RBFOX1: variants seen among roughly 807,000 people sequenced by gnomAD.
RBFOX1 encodes RNA binding fox-1 homolog 1, also known as RNA binding protein fox-1 homolog 1.
A neutral mutation model predicts 57.7 loss-of-function variants in RBFOX1; 8 were observed. The observed-to-expected ratio is 0.14, with a 90% CI of 0.08 to 0.25. The LOEUF (loss-of-function observed/expected upper bound fraction) is 0.25, where lower values mean the gene tolerates loss of function less well. Ranked by LOEUF, RBFOX1 falls within the 10% of genes least tolerant of loss-of-function variation. The probability of loss-of-function intolerance (pLI) is 1.00; values close to 1 mark genes in which losing one functional copy is unlikely to be tolerated. For synonymous variants in RBFOX1, 326 were observed against 222.4 expected (o/e 1.47, Z -4.15); for missense variants, 611 against 548.5 (o/e 1.11, Z -1.14).
intron 1 of RBFOX1, among the ~76,000 whole-genome samples, chr16:6,085,976 C>A (rs2096077324): frequency 6.6e-6 from 1 of 152,070 alleles, no homozygotes; most frequent in Non-Finnish European, 1.5e-5. Flanking sequence ...GCTCTCTCTT[C>A]CCCCAGCCCC....
At chr16:7,080,104 A>T (rs922500720) in intron 4 of RBFOX1, among the ~76,000 whole-genome samples, 5 of 146,674 alleles carry the variant, frequency 3.4e-5, no homozygotes, top group East Asian at 3.9e-4. Context: ...TATATATATA[A>T]AACCACAATT....
chr16:7,647,136 C>G (rs1247953106), intron 11 of RBFOX1, among the ~76,000 whole-genome samples: 1 of 152,172 alleles, frequency 6.6e-6, no homozygotes, highest in Non-Finnish European at 1.5e-5. Context: ...TGGGACAGAA[C>G]TTCTTATTCC....
intron 3 of RBFOX1, among the ~76,000 whole-genome samples, chr16:6,692,434 G>C (rs2060333759): frequency 6.6e-6 from 1 of 152,036 alleles, no homozygotes; most frequent in Non-Finnish European, 1.5e-5. Context: ...CTCATCACTG[G>C]TACATTATTC....
intron 2 of RBFOX1, among the ~76,000 whole-genome samples, chr16:6,418,107 T>G (rs1247739682): frequency 6.6e-6 from 1 of 152,156 alleles, no homozygotes; most frequent in Non-Finnish European, 1.5e-5. Flanking sequence ...GAATGGTAAG[T>G]AACATTTGCT....
Position 5,247,819 on chromosome 16 carries a change from C to T in RBFOX1, c.219+7714C>T, listed in dbSNP as rs117495186. ...AGGACTTTGTACCACCCTGACATCC[C>T]AGGCGGCCATGAGTCCAGCCACCCT... On this transcript the variant is annotated intron_variant, in intron 1 of 2. Coordinates refer to the RBFOX1 transcript ENST00000585867. Among the ~76,000 whole-genome samples the T allele has an allele frequency of 5.3e-4, 81 of 152,286 alleles. No homozygotes were observed. In the East Asian group the frequency reaches 0.013, roughly 24 times the overall value.
At chr16:6,892,859 C>G (rs1046697619) in intron 3 of RBFOX1, among the ~76,000 whole-genome samples, 4 of 149,464 alleles carry the variant, frequency 2.7e-5, no homozygotes, top group Non-Finnish European at 5.9e-5. Context: ...TGCCCCCCTC[C>G]CCTGTCTGAT....
At chr16:6,096,811 A>G (rs1342979904) in intron 1 of RBFOX1, among the ~76,000 whole-genome samples, 1 of 152,214 alleles carries the variant, frequency 6.6e-6, no homozygotes, top group African/African-American at 2.4e-5. Context: ...CATGAACCCA[A>G]CTGCTCAAAC....
intron 4 of RBFOX1, among the ~76,000 whole-genome samples, chr16:7,386,090 G>T (rs561964512): frequency 1.2e-3 from 175 of 152,020 alleles, no homozygotes; most frequent in African/African-American, 3.9e-3. Flanking sequence ...TGCCCAGCCA[G>T]CTTTTAAGGT....
chr16:6,550,490 T>A (rs2096970227), intron 2 of RBFOX1, among the ~76,000 whole-genome samples: 1 of 151,964 alleles, frequency 6.6e-6, no homozygotes, highest in African/African-American at 2.4e-5. Context: ...CATGCCCACC[T>A]AATTTTCGTG....
At position 7,630,697 on chromosome 16, in the gene RBFOX1, C is replaced by T. The variant is rs776439789; in HGVS notation, c.757+14C>T. 1.5e-5 allele frequency: 24 copies of T among 1,613,860 alleles called. No individual in the cohort carries two copies. The Admixed American group carries it at 2.5e-4, about 17-fold the overall frequency. ...ATACTTCTGCAAGTAAGCCCACTGT[C>T]GTGGCTCTTTTTGTTTTGTGACATA... On this transcript the variant is annotated intron_variant, in intron 11 of 15. Transcript: ENST00000550418.
intron 4 of RBFOX1, among the ~76,000 whole-genome samples, chr16:7,260,776 G>A (rs137882927): frequency 1.3e-5 from 2 of 152,248 alleles, no homozygotes; most frequent in African/African-American, 4.8e-5. Context: ...TGATTCCCTA[G>A]GCTGCCGAAC....
intron 3 of RBFOX1, among the ~76,000 whole-genome samples, chr16:5,651,408 G>C (rs925594576): frequency 3.6e-4 from 55 of 152,126 alleles, no homozygotes; most frequent in African/African-American, 1.2e-3. Flanking sequence ...ATGTTGGTTG[G>C]AGGACACAGG....
At chr16:7,207,592 G>A (rs1025706238) in intron 4 of RBFOX1, among the ~76,000 whole-genome samples, 1 of 152,188 alleles carries the variant, frequency 6.6e-6, no homozygotes, top group African/African-American at 2.4e-5. Context: ...TAATGACATG[G>A]AAACTATGAC....
intron 1 of RBFOX1, among the ~76,000 whole-genome samples, chr16:6,274,716 A>C (rs2152683789): frequency 6.6e-6 from 1 of 152,350 alleles, no homozygotes; most frequent in African/African-American, 2.4e-5. Flanking sequence ...TCTCTGTAAC[A>C]TTATTGCCTA....
intron 1 of RBFOX1, among the ~76,000 whole-genome samples, chr16:5,445,696 C>A (rs1000206695): frequency 2.0e-5 from 3 of 152,142 alleles, no homozygotes; most frequent in African/African-American, 7.2e-5. Flanking sequence ...ACTTAGCAGC[C>A]TGTTACTCAG....
chr16:5,730,012 T>C (rs1427156907), intron 3 of RBFOX1, among the ~76,000 whole-genome samples: 1 of 152,190 alleles, frequency 6.6e-6, no homozygotes, highest in Non-Finnish European at 1.5e-5. Context: ...AGGGGGTGCC[T>C]CAAATCCTGC....
chr16:5,657,676 T>TTTC (rs1567357046), intron 3 of RBFOX1, among the ~76,000 whole-genome samples: 2,588 of 64,740 alleles, frequency 0.04, 64 homozygotes, highest in East Asian at 0.14. Context: ...CTTTCTTTTC[T>TTTC]TTTCTTTCTT....
chr16:7,151,093 T>G (rs997930746), intron 4 of RBFOX1, among the ~76,000 whole-genome samples: 1 of 152,206 alleles, frequency 6.6e-6, no homozygotes, highest in Non-Finnish European at 1.5e-5. Flanking sequence ...TATTCTACTT[T>G]CAGGAACTGT....
chr16:6,776,628 C>T (rs1478861445), intron 3 of RBFOX1, among the ~76,000 whole-genome samples: 1 of 152,000 alleles, frequency 6.6e-6, no homozygotes, highest in East Asian at 1.9e-4. Context: ...TTTCTTTATC[C>T]CTTTCAAATC....
Sources: allele counts gnomAD v4.1 joint callset (sites outside exome capture counted in the v4.1 genomes callset), GRCh38; gene constraint gnomAD v4.1.1; transcripts MANE v1.5; gene names NCBI Gene and HGNC (gene_info 2026-07-23, HGNC 2026-07-21).